TNRC6A: variants seen among roughly 807,000 people sequenced by gnomAD.
The protein encoded by TNRC6A is trinucleotide repeat-containing gene 6A protein.
TNRC6A carries 44 observed loss-of-function variants against 221.2 expected under a neutral mutation model. The ratio of observed to expected loss-of-function variants is 0.20; its 90% CI spans 0.16 to 0.26. The LOEUF (loss-of-function observed/expected upper bound fraction) is 0.26. Among genes scored for constraint, TNRC6A ranks in the 10% least tolerant of loss-of-function variants. TNRC6A has a pLI of 1.00. For missense variants in TNRC6A, 2,199 were observed against 2,404.4 expected (o/e 0.91, Z 1.79); for synonymous variants, 847 against 838.5 (o/e 1.01, Z -0.18).
chr16:24,783,326 A>T (rs1455097984), intron 5 of TNRC6A, among the ~76,000 whole-genome samples: 1 of 152,024 alleles, frequency 6.6e-6, no homozygotes, highest in Non-Finnish European at 1.5e-5. Context: ...ATGGGATTTC[A>T]CTATGTTGGC....
At chr16:24,715,677 G>A (rs915391869) in intron 2 of TNRC6A, among the ~76,000 whole-genome samples, 6 of 149,700 alleles carry the variant, frequency 4.0e-5, no homozygotes, top group African/African-American at 1.5e-4. Flanking sequence ...GAGTGCAGTG[G>A]CATGATCTTG....
At chr16:24,705,497 A>C (rs1391055788) in intron 2 of TNRC6A, among the ~76,000 whole-genome samples, 2 of 152,106 alleles carry the variant, frequency 1.3e-5, no homozygotes, top group African/African-American at 4.8e-5. Context: ...ATGCCCAACT[A>C]ATTTTTGTAA....
At chr16:24,667,949 C>A (rs2055207579) in intron 2 of TNRC6A, among the ~76,000 whole-genome samples, 1 of 152,122 alleles carries the variant, frequency 6.6e-6, no homozygotes, top group South Asian at 2.1e-4. Context: ...CTCTTGGGCC[C>A]AGAATTTTGA....
intron 2 of TNRC6A, among the ~76,000 whole-genome samples, chr16:24,657,554 C>T (rs1197683701): frequency 6.6e-6 from 1 of 151,672 alleles, no homozygotes; most frequent in Non-Finnish European, 1.5e-5. Context: ...CATTAAAATA[C>T]AAAAAGTAAC....
chr16:24,680,907 G>A (rs1451362755), intron 2 of TNRC6A, among the ~76,000 whole-genome samples: 1 of 151,192 alleles, frequency 6.6e-6, no homozygotes, highest in African/African-American at 2.4e-5. Flanking sequence ...CTACAGGCGT[G>A]CACAACCACA....
intron 2 of TNRC6A, among the ~76,000 whole-genome samples, chr16:24,705,201 A>C (rs190058705): frequency 4.0e-4 from 61 of 152,320 alleles, no homozygotes; most frequent in Non-Finnish European, 7.3e-4. Context: ...CAACCAAGGC[A>C]CAGAGAGGCT....
chr16:24,666,659 AAAAAAAAAAATAT>A (rs921205189), intron 2 of TNRC6A, among the ~76,000 whole-genome samples: 4 of 126,898 alleles, frequency 3.2e-5, no homozygotes, highest in African/African-American at 6.5e-5. Context: ...AAAAAAAAAA[AAAAAAAAAAATAT>A]ATATATATAT....
intron 3 of TNRC6A, among the ~76,000 whole-genome samples, chr16:24,758,048 C>T (rs1021157089): frequency 7.2e-5 from 11 of 152,260 alleles, no homozygotes; most frequent in African/African-American, 2.6e-4. Flanking sequence ...AAAAGTGCAG[C>T]TCCCATTTAA....
At position 24,648,542 on chromosome 16, in the gene TNRC6A, T is replaced by A. The variant is rs1047008318; in HGVS notation, n.402+7533T>A. On this transcript the variant is annotated intron_variant and non_coding_transcript_variant, in intron 2 of 2. Transcript: ENST00000566108. ...GCCTTGGCCTCCCAAAGTGCTGGGATTACAGGCGTGAGCCACCGCGCCCGG... is the reference window on the plus strand; with the variant it reads ...GCCTTGGCCTCCCAAAGTGCTGGGAATACAGGCGTGAGCCACCGCGCCCGG... 1.1e-4 allele frequency among the ~76,000 whole-genome samples: 17 copies of A among 152,236 alleles called. No homozygotes were observed. The East Asian group carries it at 1.5e-3, about 14-fold the overall frequency.
chr16:24,686,769 G>T (rs1428283977), intron 2 of TNRC6A, among the ~76,000 whole-genome samples: 1 of 152,144 alleles, frequency 6.6e-6, no homozygotes, highest in African/African-American at 2.4e-5. Context: ...GGGTGGTATG[G>T]CGTCACCGTG....
intron 5 of TNRC6A, 88 bp downstream of exon 5, chr16:24,777,446 ATTTG>A: frequency 2.3e-6 from 3 of 1,317,336 alleles, no homozygotes; most frequent in Non-Finnish European, 3.1e-6. Context: ...TTGGTGATGT[ATTTG>A]TATTCATCAG....
intron 3 of TNRC6A, among the ~76,000 whole-genome samples, chr16:24,751,585 C>G (rs1197597220): frequency 6.6e-6 from 1 of 152,144 alleles, no homozygotes; most frequent in Non-Finnish European, 1.5e-5. Context: ...TAAATGGGCA[C>G]TCATCTCCTA....
intron 2 of TNRC6A, among the ~76,000 whole-genome samples, chr16:24,746,068 A>G (rs1036436148): frequency 6.6e-6 from 1 of 152,066 alleles, no homozygotes; most frequent in African/African-American, 2.4e-5. Flanking sequence ...CTGTGCTCCT[A>G]AAAAATCTTG....
At chr16:24,618,911 T>A (rs949677437) in intron 1 of TNRC6A, among the ~76,000 whole-genome samples, 11 of 152,140 alleles carry the variant, frequency 7.2e-5, no homozygotes, top group Admixed American at 7.2e-4. Flanking sequence ...ATTACAGGTG[T>A]GAGCTACGGT....
chr16:24,761,750 C>CA (rs2057368989), intron 4 of TNRC6A, among the ~76,000 whole-genome samples: 1 of 152,004 alleles, frequency 6.6e-6, no homozygotes, highest in Non-Finnish European at 1.5e-5. Context: ...AGGCTGGTCT[C>CA]AAACTCCTAG....
chr16:24,729,201 A>AAATAAT (rs1170136058), upstream of TNRC6A, among the ~76,000 whole-genome samples: 1 of 152,056 alleles, frequency 6.6e-6, no homozygotes, highest in East Asian at 1.9e-4. Flanking sequence ...CAGAGAGGTT[A>AAATAAT]AATAACTGGC....
intron 2 of TNRC6A, among the ~76,000 whole-genome samples, chr16:24,648,767 G>A (rs1054907857): frequency 2.0e-5 from 3 of 152,152 alleles, no homozygotes; most frequent in African/African-American, 7.2e-5. Flanking sequence ...CTTTTCATGT[G>A]CTTCGTTAGT....
chr16:24,693,784 T>C (rs2055802807), intron 2 of TNRC6A, among the ~76,000 whole-genome samples: 3 of 150,372 alleles, frequency 2.0e-5, no homozygotes, highest in African/African-American at 7.4e-5. Context: ...CCTATAGTCC[T>C]AGCTACTCAG....
At chr16:24,635,269 G>A (rs529159694) in intron 1 of TNRC6A, among the ~76,000 whole-genome samples, 61 of 149,224 alleles carry the variant, frequency 4.1e-4, no homozygotes, top group African/African-American at 1.4e-3. Flanking sequence ...GATTCTGCAC[G>A]TTTATTTATT....
Sources: allele counts gnomAD v4.1 joint callset (sites outside exome capture counted in the v4.1 genomes callset), GRCh38; gene constraint gnomAD v4.1.1; transcripts MANE v1.5; gene names NCBI Gene and HGNC (gene_info 2026-07-23, HGNC 2026-07-21).